Variants in COL5A1 observed in about 807,000 individuals in gnomAD.
The protein encoded by COL5A1 is collagen type V alpha 1 chain.
A neutral mutation model predicts 263.7 loss-of-function variants in COL5A1; 16 were observed. The ratio of observed to expected loss-of-function variants is 0.06; its 90% confidence interval spans 0.04 to 0.09. The LOEUF (loss-of-function observed/expected upper bound fraction) is 0.09, where lower values mean the gene tolerates loss of function less well. COL5A1 is among the 10% of genes least tolerant of loss of function. COL5A1 has a pLI of 1.00. For missense variants in COL5A1, 2,036 were observed against 2,540.5 expected, an observed-to-expected ratio of 0.80 and a Z score of 4.27; for synonymous variants, 1,012 against 1,004.5, an observed-to-expected ratio of 1.01 and a Z score of -0.14.
chr9:134,681,779 T>C lies in COL5A1; in HGVS notation c.110-9133T>C, dbSNP rs899295804. Among the ~76,000 whole-genome samples the C allele has an allele frequency of 2.6e-5, 4 of 152,212 alleles. No individual in the cohort carries two copies. Among genetic ancestry groups the C allele is most frequent in the African/African-American group, 9.6e-5 (4 of 41,466 alleles). On this transcript the variant is annotated intron_variant, in intron 1 of 65. Transcript: ENST00000371817. This position sits in a 1 kb window ranked among gnomAD's most constrained non-coding sequence, Gnocchi z 4.3. ...TTCTAGCCCGAGAATTGTGAAGACCTCAAGCTTGGGGTTATTTAGAGACTC... is the reference window on the plus strand; with the variant it reads ...TTCTAGCCCGAGAATTGTGAAGACCCCAAGCTTGGGGTTATTTAGAGACTC...
intron 59 of COL5A1, 97 bp from the exon 60 acceptor site, chr9:134,822,894 TGGGAGAG>T (rs1564485141): frequency 4.7e-6 from 6 of 1,269,672 alleles, no homozygotes; most frequent in African/African-American, 2.9e-5. Flanking sequence ...GGGATGCGGG[TGGGAGAG>T]GGGCGAGGGG....
intron 36 of COL5A1, 120 bp downstream of exon 36, chr9:134,797,021 G>A: frequency 9.3e-7 from 1 of 1,072,150 alleles, no homozygotes; most frequent in Non-Finnish European, 1.4e-6. Flanking sequence ...GTGGCCGGTG[G>A]GTGGAGGGAG....
Position 134,647,377 on chromosome 9 carries a change from G to A in COL5A1, c.109+5081G>A, listed in dbSNP as rs916798274. On this transcript the variant is annotated intron_variant, in intron 1 of 65. Coordinates refer to ENST00000371817, the MANE Select transcript of COL5A1 (RefSeq NM_000093.5). This position sits in a 1 kb window ranked among gnomAD's most constrained non-coding sequence, Gnocchi z 5.0. ...GTTTGTGTGTATGTGTGTCATGTGT[G>A]CGTGTGTGTGTGTGTGTGTCAGGCC... Among the ~76,000 whole-genome samples the A allele has an allele frequency of 3.3e-5, 5 of 151,568 alleles. No homozygotes were observed. The highest frequency in any genetic ancestry group is 1.2e-4 in the African/African-American group (5 of 40,890).
chr9:134,654,528 TGG>T (rs1831852155), intron 1 of COL5A1, among the ~76,000 whole-genome samples: 1 of 105,292 alleles, frequency 9.5e-6, no homozygotes, highest in African/African-American at 3.8e-5. Flanking sequence ...TGTGCAGGGC[TGG>T]GTGTGTGTAG....
At chr9:134,715,126 A>G (rs1834216975) in intron 4 of COL5A1, among the ~76,000 whole-genome samples, 1 of 152,018 alleles carries the variant, frequency 6.6e-6, no homozygotes, top group South Asian at 2.1e-4. Flanking sequence ...CATTATCTCT[A>G]CCATCTCAGA....
rs569413440 is a variant in COL5A1 at position 134,780,153 on chromosome 9, C to A, written c.2430+7C>A. The A allele has an allele frequency of 1.1e-5, 17 of 1,613,284 alleles. No homozygotes were observed. In the South Asian group the frequency reaches 1.9e-4, roughly 18 times the overall value. ...GGGCACAAAGGGCGAGAAGGTAAGT[C>A]TCTCCTTGCAGCCACGGGGCCCCCT... is the stretch of plus-strand genomic sequence containing the variant. On this transcript the variant is annotated splice_region_variant and intron_variant, in intron 28 of 65. Coordinates refer to ENST00000371817, the MANE Select transcript of COL5A1 (RefSeq NM_000093.5).
At chr9:134,653,822 G>T (rs758192315) in intron 1 of COL5A1, among the ~76,000 whole-genome samples, 2 of 151,550 alleles carry the variant, frequency 1.3e-5, no homozygotes, top group African/African-American at 4.9e-5. Context: ...AGGGCTGGGG[G>T]TGTGCAGGGC....
At chr9:134,816,764 T>G (rs896440437) in intron 52 of COL5A1, among the ~76,000 whole-genome samples, 2 of 152,152 alleles carry the variant, frequency 1.3e-5, no homozygotes, top group African/African-American at 4.8e-5. Flanking sequence ...GAACCGTCAT[T>G]GTGTATCAAG....
intron 1 of COL5A1, among the ~76,000 whole-genome samples, chr9:134,663,074 T>C (rs762792468): frequency 8.5e-5 from 13 of 152,216 alleles, no homozygotes; most frequent in Non-Finnish European, 1.3e-4. Flanking sequence ...GAGGGGGTGG[T>C]TGAAGAGACC....
intron 48 of COL5A1, among the ~76,000 whole-genome samples, chr9:134,813,246 G>C (rs1330632742): frequency 6.6e-6 from 1 of 152,046 alleles, no homozygotes; most frequent in Non-Finnish European, 1.5e-5. Flanking sequence ...ATCGGTGCAT[G>C]TGTGTGTGCC....
intron 62 of COL5A1, 71 bp from the exon 63 acceptor site, chr9:134,825,721 C>A: frequency 1.0e-6 from 1 of 972,870 alleles, no homozygotes; most frequent in Non-Finnish European, 1.6e-6. Flanking sequence ...AATGTCACAG[C>A]GGCTTCCGGA....
intron 64 of COL5A1, among the ~76,000 whole-genome samples, chr9:134,833,857 A>G (rs1839746742): frequency 6.6e-6 from 1 of 152,176 alleles, no homozygotes; most frequent in African/African-American, 2.4e-5. Context: ...TTGGAGCATG[A>G]TGATAGGGAC....
Position 134,731,602 on chromosome 9 carries a change from C to G in COL5A1, c.1271C>G (p.Thr424Ser), listed in dbSNP as rs752619850. 24 of 1,614,102 alleles carry G rather than the reference C, an allele frequency of 1.5e-5. No homozygotes were observed. Among genetic ancestry groups the G allele is most frequent in the Non-Finnish European group, 2.0e-5 (24 of 1,180,040 alleles). The change falls in exon 8 of 66, where the codon ACC becomes AGC. Residue 424 changes from threonine (T) to serine (S), a missense_variant. Coordinates refer to ENST00000371817, the MANE Select transcript of COL5A1 (RefSeq NM_000093.5). ...ENYYDPYYDPTSSPSEIGPGM... is the reference protein window; with the variant it reads ...ENYYDPYYDPSSSPSEIGPGM... ...TACTACGACCCCTACTACGACCCCA[C>G]CAGCTCCCCGTCGGAGATCGGGCCG... is the stretch of plus-strand genomic sequence containing the variant.
In COL5A1 at chr9:134,741,439, G is replaced by A. The variant is rs145439992; in HGVS notation, c.1494+2631G>A. Reference sequence around the variant, plus strand: ...GCTAGACCAAGGAAAAGGGGGTTTGGGCTTCGCGGGGTGACAGATGGTGGG... The same window carrying A: ...GCTAGACCAAGGAAAAGGGGGTTTGAGCTTCGCGGGGTGACAGATGGTGGG... On this transcript the variant is annotated intron_variant, in intron 11 of 65. Coordinates refer to ENST00000371817, the MANE Select transcript of COL5A1 (RefSeq NM_000093.5). The surrounding 1 kb of genome is among the most constrained non-coding windows in gnomAD (Gnocchi z 4.5). 6.6e-5 allele frequency among the ~76,000 whole-genome samples: 10 copies of A among 152,184 alleles called. No individual in the cohort carries two copies. The highest frequency in any genetic ancestry group is 2.2e-4 in the African/African-American group (9 of 41,424).
Position 134,842,411 on chromosome 9 carries a change from C to A in COL5A1, c.*108C>A. The stretch of plus-strand genomic sequence containing the variant: ...CCCTGGACAGTGAAGGCTTCTCCCT[C>A]CCCTCCCACCTGACTTCATCTACGC... On this transcript the variant is annotated 3_prime_UTR_variant, in exon 66 of 66. Transcript: ENST00000371817. This position sits in a 1 kb window ranked among gnomAD's most constrained non-coding sequence, Gnocchi z 5.8. 3 of 1,343,538 alleles carry A rather than the reference C, an allele frequency of 2.2e-6. No individual in the cohort carries two copies. In the South Asian group the frequency reaches 3.7e-5, roughly 17 times the overall value. 83.2% of individuals were successfully genotyped at this position (1,343,538 alleles called of 1,614,324 possible). A position where few individuals can be genotyped will look rare whatever the true frequency, so the allele number is the denominator to read the frequency against.
At chr9:134,800,749 CAA>C (rs397951217) in intron 37 of COL5A1, among the ~76,000 whole-genome samples, 8,281 of 81,340 alleles carry the variant, frequency 0.1, 251 homozygotes, top group African/African-American at 0.18. Context: ...CTGTCTCAAA[CAA>C]AAAAAAAAAA....
chr9:134,723,280 G>C (rs988987922), intron 4 of COL5A1, among the ~76,000 whole-genome samples: 3 of 151,760 alleles, frequency 2.0e-5, no homozygotes, highest in African/African-American at 7.3e-5. Flanking sequence ...GGGTTGGAGG[G>C]GGCTCGGCGG....
rs1031138847 is a variant in COL5A1 at position 134,824,861 on chromosome 9, G to C, written c.4954+6G>C. The C allele has an allele frequency of 1.2e-6, 2 of 1,608,790 alleles. No individual in the cohort carries two copies. Among genetic ancestry groups the C allele is most frequent in the Non-Finnish European group, 1.7e-6 (2 of 1,178,488 alleles). On this transcript the variant is annotated splice_donor_region_variant and intron_variant, in intron 62 of 65. Transcript: ENST00000371817. ...CCACCCCGACTTCCCAGATGGTGAG[G>C]GCCTGGGGGGGCAGGGGTGGCCCCC...
chr9:134,764,116 G>A (rs1424906419), intron 20 of COL5A1, among the ~76,000 whole-genome samples: 6 of 142,568 alleles, frequency 4.2e-5, no homozygotes, highest in South Asian at 2.4e-4. Context: ...TGGGGTGTCC[G>A]AGGGCATGGG....
Sources: gnomAD v4.1 joint callset for allele counts (sites outside exome capture counted in the v4.1 genomes callset) on GRCh38, gnomAD v4.1.1 for gene constraint, Gnocchi (gnomAD v3.1) non-coding constraint, MANE v1.5 for transcripts, NCBI Gene and HGNC (gene_info 2026-07-23, HGNC 2026-07-21) for gene names.